Variants in NFATC1 observed in about 807,000 individuals in gnomAD.
NFATC1 encodes the protein nuclear factor of activated T-cells, cytoplasmic 1.
A neutral mutation model predicts 76.0 loss-of-function variants in NFATC1; 22 were observed. That is an observed-to-expected ratio of 0.29 (90% CI 0.21 to 0.41). The LOEUF is 0.41. Among genes scored for constraint, NFATC1 ranks in the 10% least tolerant of loss-of-function variants. NFATC1 has a pLI of 1.00. For missense variants in NFATC1, 1,357 were observed against 1,337.7 expected (o/e 1.01, Z -0.23); for synonymous variants, 704 against 613.1 (o/e 1.15, Z -2.19).
intron 1 of NFATC1, among the ~76,000 whole-genome samples, chr18:79,403,051 C>T (rs546856962): frequency 2.0e-4 from 31 of 152,366 alleles, no homozygotes; most frequent in Non-Finnish European, 4.0e-4. Context: ...GTCTGTCAGC[C>T]GGATCCCCTG....
At position 79,495,046 on chromosome 18, in the gene NFATC1, C is replaced by T. The variant is rs568289698; in HGVS notation, c.2782+8109C>T. Among the ~76,000 whole-genome samples, 6 of 152,388 alleles carry T rather than the reference C, an allele frequency of 3.9e-5. No homozygotes were observed. The South Asian group carries it at 6.2e-4, about 16-fold the overall frequency. On this transcript the variant is annotated intron_variant, in intron 9 of 9. Transcript: ENST00000427363. ...TGGCTGGAGAACCCTGGGGCAGCTG[C>T]AGTGGCAAGTCTGCCCCTTGAGGAA...
intron 1 of NFATC1, among the ~76,000 whole-genome samples, chr18:79,396,908 C>A (rs1056277500): frequency 1.3e-5 from 2 of 152,078 alleles, no homozygotes; most frequent in Admixed American, 1.3e-4. Flanking sequence ...ACCAAAAGAT[C>A]CAAAGCGCGG....
chr18:79,482,672 G>T (rs1261260605), intron 8 of NFATC1, among the ~76,000 whole-genome samples: 2 of 107,530 alleles, frequency 1.9e-5, no homozygotes, highest in African/African-American at 6.6e-5. Flanking sequence ...GCGTGACCTG[G>T]TCCTGGGGTG....
At chr18:79,489,512 C>T (rs775698562) in intron 9 of NFATC1, among the ~76,000 whole-genome samples, 19 of 152,322 alleles carry the variant, frequency 1.2e-4, no homozygotes, top group Admixed American at 7.8e-4. Flanking sequence ...TGTTTCCCGG[C>T]GTGCTGCCGT....
intron 2 of NFATC1, among the ~76,000 whole-genome samples, chr18:79,429,018 C>T (rs1056399312): frequency 1.3e-5 from 2 of 152,104 alleles, no homozygotes; most frequent in African/African-American, 4.8e-5. Context: ...GTCAGGAGTT[C>T]GAGACCAGCC....
intron 1 of NFATC1, among the ~76,000 whole-genome samples, chr18:79,406,669 C>T (rs1194521118): frequency 1.3e-5 from 2 of 152,296 alleles, no homozygotes; most frequent in East Asian, 3.9e-4. Context: ...TTTTGGACAA[C>T]TTTTGGTGAG....
chr18:79,498,429 C>G (rs1001678678), intron 9 of NFATC1: 8 of 148,580 alleles, frequency 5.4e-5, no homozygotes, highest in African/African-American at 2.0e-4. Flanking sequence ...GGCTGAACAA[C>G]AGATTTGAGC....
chr18:79,471,497 G>T (rs897190271), intron 8 of NFATC1, among the ~76,000 whole-genome samples: 1 of 152,174 alleles, frequency 6.6e-6, no homozygotes, highest in African/African-American at 2.4e-5. Flanking sequence ...AGGTCTTTTT[G>T]TCTGAAGTCG....
chr18:79,410,509 C>T lies in NFATC1; in HGVS notation c.234C>T (p.Gly78=), dbSNP rs769912358. Residue 78 remains glycine (G), a synonymous_variant, in exon 2 of 10, where the codon GGC becomes GGT. Coordinates refer to ENST00000427363, the MANE Select transcript of NFATC1 (RefSeq NM_001278669.2). This position sits in a 1 kb window ranked among gnomAD's most constrained non-coding sequence, Gnocchi z 6.7. ...ACAACCTTCAGACCTCCACACCGGG[C>T]ATCATCCCGCCGGCGGATCACCCCT... ...PCHNLQTSTP[G]IIPPADHPSG... is the part of the protein sequence containing the mutation. The T allele has an allele frequency of 6.2e-7, 1 of 1,611,976 alleles. No individual in the cohort carries two copies. Among genetic ancestry groups the T allele is most frequent in the South Asian group, 1.1e-5 (1 of 91,076 alleles).
chr18:79,451,080 C>T lies in NFATC1; in HGVS notation c.1716C>T (p.Ser572=), dbSNP rs763232132. ...LVFRVHVPQP[S]GRTLSLQVAS... ...TCCGCGTTCACGTCCCGCAACCCAGCGGCCGCACGCTGTCCCTGCAGGTGG... is the reference window on the plus strand; with the variant it reads ...TCCGCGTTCACGTCCCGCAACCCAGTGGCCGCACGCTGTCCCTGCAGGTGG... Residue 572 remains serine (S), a synonymous_variant, in exon 5 of 10, where the codon AGC becomes AGT. Transcript: ENST00000427363. 3.1e-6 allele frequency: 5 copies of T among 1,613,098 alleles called. No homozygotes were observed. In the South Asian group the frequency reaches 4.4e-5, roughly 14 times the overall value.
At chr18:79,500,118 C>T (rs1293422495) in intron 9 of NFATC1, among the ~76,000 whole-genome samples, 2 of 152,116 alleles carry the variant, frequency 1.3e-5, no homozygotes, top group Non-Finnish European at 2.9e-5. Flanking sequence ...ACCAACTTTA[C>T]AAGACATCTG....
Position 79,396,011 on chromosome 18 carries a change from G to T in NFATC1, c.-214G>T, listed in dbSNP as rs1192604450. The T allele has an allele frequency of 2.1e-5, 7 of 341,090 alleles. No homozygotes were observed. Among genetic ancestry groups the T allele is most frequent in the Non-Finnish European group, 3.2e-5 (7 of 219,122 alleles). The allele number at this position is 341,090 out of a possible 1,614,324, so 21.1% of individuals were successfully genotyped here. On this transcript the variant is annotated 5_prime_UTR_variant, in exon 1 of 10. Transcript: ENST00000427363. ...CCCAGCAGCAGGGCGCGGGCACCGG[G>T]GCGCGGGCAGGGCTCGGAGCCACCG...
chr18:79,490,254 C>T (rs969091894), intron 9 of NFATC1, among the ~76,000 whole-genome samples: 18 of 151,832 alleles, frequency 1.2e-4, no homozygotes, highest in Non-Finnish European at 2.2e-4. Flanking sequence ...GGTGCAGGCC[C>T]GGCTCTGGGT....
At chr18:79,436,180 A>T (rs1279562806) in intron 3 of NFATC1, among the ~76,000 whole-genome samples, 1 of 152,166 alleles carries the variant, frequency 6.6e-6, no homozygotes, top group African/African-American at 2.4e-5. Context: ...ATTTTAGTAC[A>T]TCCTTTGACG....
At chr18:79,464,698 A>ATATATT (rs1329123171) in intron 7 of NFATC1, among the ~76,000 whole-genome samples, 5 of 94,878 alleles carry the variant, frequency 5.3e-5, no homozygotes, top group African/African-American at 2.7e-4. Context: ...ATATATATTT[A>ATATATT]TTTATTTATT....
At chr18:79,467,793 G>A in intron 8 of NFATC1, 2 of 175,584 alleles carry the variant, frequency 1.1e-5, no homozygotes, top group Non-Finnish European at 1.7e-5. Flanking sequence ...GTTGGGGGTG[G>A]GGGGCGGGGG....
At chr18:79,462,534 C>T (rs1230723450) in intron 7 of NFATC1, among the ~76,000 whole-genome samples, 1 of 152,040 alleles carries the variant, frequency 6.6e-6, no homozygotes, top group Non-Finnish European at 1.5e-5. Context: ...GAACTCCCAA[C>T]CTCAGGTGAT....
At chr18:79,434,477 G>A (rs753558231) in intron 3 of NFATC1, among the ~76,000 whole-genome samples, 5 of 152,248 alleles carry the variant, frequency 3.3e-5, no homozygotes, top group African/African-American at 9.6e-5. Context: ...CCGGGTAGCC[G>A]TGGGTGTTGG....
intron 9 of NFATC1, among the ~76,000 whole-genome samples, chr18:79,495,092 G>A (rs566530417): frequency 5.4e-4 from 83 of 152,386 alleles, no homozygotes; most frequent in Admixed American, 1.4e-3. Flanking sequence ...GGATGGCACT[G>A]AGACGGGTGC....
Sources: gnomAD v4.1 joint callset for allele counts (sites outside exome capture counted in the v4.1 genomes callset) on GRCh38, gnomAD v4.1.1 for gene constraint, Gnocchi (gnomAD v3.1) non-coding constraint, MANE v1.5 for transcripts, NCBI Gene and HGNC (gene_info 2026-07-23, HGNC 2026-07-21) for gene names.